Variants in GREM2 observed in about 807,000 individuals in gnomAD.
GREM2 encodes gremlin-2.
In GREM2, 11 loss-of-function variants were observed where a neutral mutation model predicts 14.2. The observed-to-expected ratio is 0.78, with a 90% CI of 0.49 to 1.28. The LOEUF (loss-of-function observed/expected upper bound fraction) is 1.28. GREM2 is among the 50% of genes most tolerant of loss of function. The pLI, the probability that GREM2 is intolerant of heterozygous loss-of-function variation, is 0.00. For synonymous variants in GREM2, 98 were observed against 97.6 expected (o/e 1.00, Z -0.02); for missense variants, 210 against 218.5 (o/e 0.96, Z 0.24).
At chr1:240,500,325 G>T (rs1677541395) in intron 1 of GREM2, among the ~76,000 whole-genome samples, 1 of 150,752 alleles carries the variant, frequency 6.6e-6, no homozygotes. Context: ...TCCAGACAGA[G>T]TCTTGCTCTG....
At chr1:240,524,717 G>A (rs2103307421) in intron 1 of GREM2, among the ~76,000 whole-genome samples, 1 of 152,240 alleles carries the variant, frequency 6.6e-6, no homozygotes, top group South Asian at 2.1e-4. Flanking sequence ...AACAACAAAA[G>A]CCATACTAGA....
chr1:240,576,440 T>G (rs2103371585), intron 1 of GREM2, among the ~76,000 whole-genome samples: 1 of 152,322 alleles, frequency 6.6e-6, no homozygotes, highest in South Asian at 2.1e-4. Context: ...CACCAGTCCA[T>G]ATTTCCTGTT....
intron 1 of GREM2, among the ~76,000 whole-genome samples, chr1:240,541,577 T>G (rs1558155315): frequency 6.6e-6 from 1 of 152,204 alleles, no homozygotes. Flanking sequence ...TATGTTTCCC[T>G]TGATGGATCA....
intron 1 of GREM2, among the ~76,000 whole-genome samples, chr1:240,561,604 C>T (rs1176618330): frequency 2.0e-5 from 3 of 151,760 alleles, no homozygotes; most frequent in Non-Finnish European, 4.4e-5. Flanking sequence ...TTTAATGCCT[C>T]GATAAGAGGC....
chr1:240,573,350 A>T (rs967370870), intron 1 of GREM2, among the ~76,000 whole-genome samples: 2 of 152,068 alleles, frequency 1.3e-5, no homozygotes, highest in Admixed American at 6.5e-5. Context: ...ATCGTAAATA[A>T]GGACAGAATC....
At chr1:240,561,875 G>C (rs1202478838) in intron 1 of GREM2, among the ~76,000 whole-genome samples, 1 of 152,104 alleles carries the variant, frequency 6.6e-6, no homozygotes, top group East Asian at 1.9e-4. Flanking sequence ...CTTAGAATAA[G>C]AAGCTTTTCC....
rs1316189483 is a variant in GREM2 at position 240,540,075 on chromosome 1, C to G, written c.-1-46599G>C. Reference sequence around the variant, plus strand: ...GACATTAGCTTGGCATAGCTGACAGCCACTCTGTTCCTATACCCCTGACTA... The same window carrying G: ...GACATTAGCTTGGCATAGCTGACAGGCACTCTGTTCCTATACCCCTGACTA... On this transcript the variant is annotated intron_variant, in intron 1 of 1. Transcript: ENST00000318160. The surrounding 1 kb of genome is among the most constrained non-coding windows in gnomAD (Gnocchi z 4.2). Among the ~76,000 whole-genome samples, 1 of 152,138 alleles carries G rather than the reference C, an allele frequency of 6.6e-6. No homozygotes were observed. The highest frequency in any genetic ancestry group is 1.9e-4 in the East Asian group (1 of 5,194).
At position 240,491,106 on chromosome 1, in the gene GREM2, T is replaced by G. The variant is rs1677237613; in HGVS notation, c.*1863A>C. On this transcript the variant is annotated 3_prime_UTR_variant, in exon 2 of 2. Transcript: ENST00000318160. ...GACCCCCTCTGCCACAGCACATTCT[T>G]GCTCAGGTCTCATGGTGTTGCAGAA... 6.6e-6 allele frequency: 1 copy of G among 152,236 alleles called. No individual in the cohort carries two copies. The highest frequency in any genetic ancestry group is 1.5e-5 in the Non-Finnish European group (1 of 68,062). The allele number at this position is 152,236 out of a possible 1,614,324, so 9.4% of individuals were successfully genotyped here. A position where few individuals can be genotyped will look rare whatever the true frequency, so the allele number is the denominator to read the frequency against.
intron 1 of GREM2, among the ~76,000 whole-genome samples, chr1:240,532,893 A>G (rs1234404925): frequency 6.6e-6 from 1 of 152,202 alleles, no homozygotes; most frequent in African/African-American, 2.4e-5. Flanking sequence ...TTTGAAGTGT[A>G]CACTGTTTTG....
chr1:240,544,450 A>AC (rs1678673463), intron 1 of GREM2, among the ~76,000 whole-genome samples: 1 of 152,134 alleles, frequency 6.6e-6, no homozygotes, highest in Admixed American at 6.6e-5. Flanking sequence ...CCTGGCCAGT[A>AC]CTAGGCCATT....
intron 1 of GREM2, among the ~76,000 whole-genome samples, chr1:240,529,518 A>G (rs142145020): frequency 6.6e-6 from 1 of 152,254 alleles, no homozygotes; most frequent in African/African-American, 2.4e-5. Flanking sequence ...CCAGCAAGCT[A>G]ATATAAATAC....
At chr1:240,508,303 C>G (rs756512345) in intron 1 of GREM2, among the ~76,000 whole-genome samples, 1 of 152,154 alleles carries the variant, frequency 6.6e-6, no homozygotes, top group Non-Finnish European at 1.5e-5. Context: ...TGTATTTGCT[C>G]ATATTCAAAC....
rs956388531 is a variant in GREM2 at position 240,540,613 on chromosome 1, A to T, written c.-1-47137T>A. On this transcript the variant is annotated intron_variant, in intron 1 of 1. Coordinates refer to ENST00000318160, the MANE Select transcript of GREM2 (RefSeq NM_022469.4). This position sits in a 1 kb window ranked among gnomAD's most constrained non-coding sequence, Gnocchi z 4.2. ...GAGTCTCACTCTGTCGCCAGTTTGG[A>T]GTGCAGTGGCACGATGTAGACTTAC... 7.3e-5 allele frequency among the ~76,000 whole-genome samples: 11 copies of T among 150,016 alleles called. 1 individual carries two copies. The highest frequency in any genetic ancestry group is 4.0e-4 in the Admixed American group (6 of 14,962).
chr1:240,499,988 G>A (rs1314906890), intron 1 of GREM2, among the ~76,000 whole-genome samples: 3 of 152,140 alleles, frequency 2.0e-5, no homozygotes, highest in Non-Finnish European at 4.4e-5. Flanking sequence ...TCTCTTTAGT[G>A]TTGAACTCTT....
chr1:240,609,451 C>T (rs1680090750), intron 1 of GREM2, among the ~76,000 whole-genome samples: 1 of 151,858 alleles, frequency 6.6e-6, no homozygotes, highest in Admixed American at 6.6e-5. Flanking sequence ...TTATTAGAAA[C>T]AAAAGAACTA....
intron 1 of GREM2, among the ~76,000 whole-genome samples, chr1:240,518,519 G>T (rs183282158): frequency 0.022 from 3,346 of 151,902 alleles, 117 homozygotes; most frequent in African/African-American, 0.077. Flanking sequence ...TTAGTTTTTG[G>T]GTTTTTTTAA....
chr1:240,604,168 C>T (rs1191816119), intron 1 of GREM2, among the ~76,000 whole-genome samples: 2 of 151,800 alleles, frequency 1.3e-5, no homozygotes, highest in Non-Finnish European at 1.5e-5. Context: ...GGGGAGGGCA[C>T]CAAGCCATTA....
rs11343465 is a variant in GREM2 at position 240,590,431 on chromosome 1, C to CTT, written c.-2+21451_-2+21452dup. ...ATTTTTTTACTTTTTCTTTTTCTTT[C>CTT]TTTTTTTTTTTTTTTGAGATAGAGT... On this transcript the variant is annotated intron_variant, in intron 1 of 1. Coordinates refer to ENST00000318160, the MANE Select transcript of GREM2 (RefSeq NM_022469.4). Among the ~76,000 whole-genome samples the CTT allele has an allele frequency of 6.7e-4, 93 of 139,206 alleles. 1 individual carries two copies. The highest frequency in any genetic ancestry group is 5.2e-3 in the East Asian group (25 of 4,788). The allele number at this position is 139,206 out of a possible 152,430, so 91.3% of individuals were successfully genotyped here.
rs202144271 is a variant in GREM2 at position 240,523,548 on chromosome 1, G to GT, written c.-1-30073dup. On this transcript the variant is annotated intron_variant, in intron 1 of 1. Transcript: ENST00000318160. The stretch of plus-strand genomic sequence containing the variant: ...CCAATACACAAGGAGTGTTCTCACT[G>GT]TTTTTTTTTGTTGTTGTTGTTTTGG... Among the ~76,000 whole-genome samples, 234 of 150,940 alleles carry GT rather than the reference G, an allele frequency of 1.6e-3. 4 individuals carry two copies. The highest frequency in any genetic ancestry group is 7.2e-3 in the East Asian group (37 of 5,144).
Sources: gnomAD v4.1 joint callset for allele counts (sites outside exome capture counted in the v4.1 genomes callset) on GRCh38, gnomAD v4.1.1 for gene constraint, Gnocchi (gnomAD v3.1) non-coding constraint, MANE v1.5 for transcripts, NCBI Gene and HGNC (gene_info 2026-07-23, HGNC 2026-07-21) for gene names.